TRHDE: variants seen among roughly 807,000 people sequenced by gnomAD.
TRHDE encodes the protein thyrotropin-releasing hormone-degrading ectoenzyme.
TRHDE carries 72 observed loss-of-function variants against 125.7 expected under a neutral mutation model. The observed-to-expected ratio is 0.57, with a 90% CI of 0.47 to 0.70. TRHDE has a LOEUF of 0.70. TRHDE is among the 30% of genes least tolerant of loss of function. The pLI is 0.00. For synonymous variants in TRHDE, 509 were observed against 509.1 expected (o/e 1.00, Z 0.00); for missense variants, 1,110 against 1,327.1 (o/e 0.84, Z 2.54).
intron 2 of TRHDE, among the ~76,000 whole-genome samples, chr12:72,217,265 C>T (rs2139365761): frequency 6.6e-6 from 1 of 152,222 alleles, no homozygotes; most frequent in Admixed American, 6.5e-5. Flanking sequence ...CAGCTAGTAG[C>T]TGTAATGAAT....
At chr12:72,146,850 G>T (rs2139318064) in intron 2 of TRHDE, among the ~76,000 whole-genome samples, 1 of 152,322 alleles carries the variant, frequency 6.6e-6, no homozygotes, top group African/African-American at 2.4e-5. Context: ...TGGATCACAC[G>T]TGGGCTGGAA....
At chr12:72,362,704 G>A (rs1459115335) in intron 2 of TRHDE, among the ~76,000 whole-genome samples, 3 of 151,954 alleles carry the variant, frequency 2.0e-5, no homozygotes, top group Admixed American at 1.3e-4. Context: ...TAGGTCTAAC[G>A]TTTAAGTCTG....
At chr12:72,629,981 T>A (rs1873413687) in intron 15 of TRHDE, among the ~76,000 whole-genome samples, 1 of 150,934 alleles carries the variant, frequency 6.6e-6, no homozygotes, top group Non-Finnish European at 1.5e-5. Flanking sequence ...GTGAAAAATA[T>A]GGTAAAATAT....
chr12:72,381,686 G>A (rs1392029124), intron 3 of TRHDE, among the ~76,000 whole-genome samples: 1 of 152,132 alleles, frequency 6.6e-6, no homozygotes, highest in Admixed American at 6.5e-5. Flanking sequence ...GTGAGCCACC[G>A]CGCCCGGCCG....
chr12:72,543,326 A>G (rs996274180), intron 7 of TRHDE, among the ~76,000 whole-genome samples: 1 of 151,508 alleles, frequency 6.6e-6, no homozygotes, highest in African/African-American at 2.4e-5. Context: ...ACTATATATA[A>G]AAATAAATTT....
chr12:72,325,512 T>A (rs912281810), intron 2 of TRHDE, among the ~76,000 whole-genome samples: 35 of 152,164 alleles, frequency 2.3e-4, no homozygotes, highest in African/African-American at 8.4e-4. Context: ...AAAGAAACCA[T>A]GCAAATATAG....
chr12:72,235,709 G>C (rs1399340475), intron 2 of TRHDE, among the ~76,000 whole-genome samples: 1 of 152,144 alleles, frequency 6.6e-6, no homozygotes, highest in African/African-American at 2.4e-5. Flanking sequence ...TTTCTGGTAG[G>C]CTTAGGCTGA....
In TRHDE at chr12:72,287,915, TATTAAC is replaced by T. The variant is rs147632797; in HGVS notation, c.1188+967_1188+972del. Among the ~76,000 whole-genome samples, 481 of 152,040 alleles carry T rather than the reference TATTAAC, an allele frequency of 3.2e-3. 1 individual carries two copies. The highest frequency in any genetic ancestry group is 0.014 in the Middle Eastern group (4 of 292). On this transcript the variant is annotated intron_variant, in intron 2 of 18. Coordinates refer to ENST00000261180, the MANE Select transcript of TRHDE (RefSeq NM_013381.3). ...ATATATGCATTTATTTTAATTTTCA[TATTAAC>T]ATTAAGACAAGGTATTAAGATTCCA...
intron 1 of TRHDE, among the ~76,000 whole-genome samples, chr12:72,088,918 C>CTATATTGGAA (rs1874728426): frequency 2.6e-5 from 4 of 152,104 alleles, no homozygotes; most frequent in Non-Finnish European, 5.9e-5. Context: ...CTAATATAGA[C>CTATATTGGAA]CTTTCTTCCA....
intron 5 of TRHDE, among the ~76,000 whole-genome samples, chr12:72,485,660 A>G (rs773598324): frequency 1.1e-4 from 16 of 152,050 alleles, no homozygotes; most frequent in Non-Finnish European, 1.9e-4. Flanking sequence ...TTCACCCCCA[A>G]TGTCACAGCT....
chr12:72,575,945 A>G (rs1230693110), intron 12 of TRHDE, among the ~76,000 whole-genome samples: 1 of 152,184 alleles, frequency 6.6e-6, no homozygotes, highest in Admixed American at 6.6e-5. Flanking sequence ...ATTCATTCTA[A>G]GAAGCTTATG....
At chr12:72,592,774 G>T (rs184992414) in intron 12 of TRHDE, among the ~76,000 whole-genome samples, 6 of 151,062 alleles carry the variant, frequency 4.0e-5, no homozygotes, top group Admixed American at 2.6e-4. Flanking sequence ...GCAGTGGTGC[G>T]ATCTCGGCTC....
chr12:72,116,847 T>G (rs1003689940), intron 2 of TRHDE, among the ~76,000 whole-genome samples: 26 of 152,208 alleles, frequency 1.7e-4, no homozygotes, highest in African/African-American at 5.8e-4. Context: ...CTAGATCCCA[T>G]TTATCAATTT....
intron 7 of TRHDE, among the ~76,000 whole-genome samples, chr12:72,548,507 A>G (rs1470368030): frequency 1.3e-5 from 2 of 151,790 alleles, no homozygotes; most frequent in African/African-American, 4.8e-5. Context: ...TGTTTTTATA[A>G]TCTAAGTTCA....
chr12:72,573,635 C>G (rs1870849675), intron 10 of TRHDE, among the ~76,000 whole-genome samples: 1 of 151,874 alleles, frequency 6.6e-6, no homozygotes, highest in African/African-American at 2.4e-5. Flanking sequence ...AAGAATTTAG[C>G]TTTTCTTGTA....
intron 2 of TRHDE, among the ~76,000 whole-genome samples, chr12:72,353,148 T>A (rs888160961): frequency 1.3e-5 from 2 of 151,652 alleles, no homozygotes; most frequent in African/African-American, 4.8e-5. Flanking sequence ...AATGTATTGG[T>A]CAGATTAAAA....
chr12:72,318,120 T>A (rs1356016998), intron 2 of TRHDE, among the ~76,000 whole-genome samples: 1 of 152,182 alleles, frequency 6.6e-6, no homozygotes, highest in Non-Finnish European at 1.5e-5. Flanking sequence ...ATGTTGGATT[T>A]ACTATGTGCT....
rs1261929363 is a variant in TRHDE, at chr12:72,273,181, C to T, written c.538C>T (p.Pro180Ser). The T allele has an allele frequency of 3.8e-6, 6 of 1,595,240 alleles. No individual in the cohort carries two copies. In the South Asian group the frequency reaches 5.6e-5, roughly 15 times the overall value. ...PSEEEREPWE[P>S]WTQLRLSGHL... ...GGAGGAGGAGCGGGAGCCGTGGGAG[C>T]CGTGGACGCAGCTGCGCCTGTCGGG... Residue 180 changes from proline (P) to serine (S), a missense_variant, in exon 1 of 19, where the codon CCG becomes TCG. Transcript: ENST00000261180. The surrounding 1 kb of genome is among the most constrained non-coding windows in gnomAD (Gnocchi z 5.3).
chr12:72,663,110 T>A lies in TRHDE; in HGVS notation c.3125T>A (p.Val1042Glu). 6.2e-7 allele frequency: 1 copy of A among 1,613,238 alleles called. No homozygotes were observed. The highest frequency in any genetic ancestry group is 8.5e-7 in the Non-Finnish European group (1 of 1,179,504). The part of the protein sequence containing the change: ...GVAAASFSRA[V>E]ETVEANVRWK... The stretch of plus-strand genomic sequence containing the variant: ...GCTGCTGCTTCTTTCTCACGAGCTG[T>A]GGAAACTGTCGAAGCCAATGTGCGC... The change falls in exon 19 of 19, where the codon GTG becomes GAG. Residue 1042 changes from valine to glutamate, a missense_variant. Physicochemically the swap from Val to Glu is moderately radical, Grantham distance 121. Coordinates refer to ENST00000261180, the MANE Select transcript of TRHDE (RefSeq NM_013381.3).
Sources: gnomAD v4.1 joint callset for allele counts (sites outside exome capture counted in the v4.1 genomes callset) on GRCh38, gnomAD v4.1.1 for gene constraint, Gnocchi (gnomAD v3.1) non-coding constraint, MANE v1.5 for transcripts, NCBI Gene and HGNC (gene_info 2026-07-23, HGNC 2026-07-21) for gene names.